Variants in NEDD4L observed in about 807,000 individuals in gnomAD.
NEDD4L encodes NEDD4 like E3 ubiquitin protein ligase.
A neutral mutation model predicts 148.9 loss-of-function variants in NEDD4L; 54 were observed. That is an observed-to-expected ratio of 0.36 (90% CI 0.29 to 0.45). The LOEUF (loss-of-function observed/expected upper bound fraction) is 0.45, where lower values mean the gene tolerates loss of function less well. Among genes scored for constraint, NEDD4L ranks in the 20% least tolerant of loss-of-function variants. The probability of loss-of-function intolerance (pLI) is 1.00; values close to 1 mark genes in which losing one functional copy is unlikely to be tolerated. For missense variants in NEDD4L, 856 were observed against 1,233.8 expected (o/e 0.69, Z 4.59); for synonymous variants, 433 against 440.7 (o/e 0.98, Z 0.22).
chr18:58,143,226 G>A (rs1451345578), intron 1 of NEDD4L, among the ~76,000 whole-genome samples: 2 of 152,206 alleles, frequency 1.3e-5, no homozygotes, highest in South Asian at 2.1e-4. Flanking sequence ...GGCGTTCACT[G>A]GTAGGGAAAC....
chr18:58,087,814 C>T (rs369806961), intron 1 of NEDD4L, among the ~76,000 whole-genome samples: 3 of 152,202 alleles, frequency 2.0e-5, no homozygotes, highest in African/African-American at 7.2e-5. Flanking sequence ...GCGGAGGTTA[C>T]GGTGAGCTGA....
At chr18:58,357,127 C>T in intron 18 of NEDD4L, 67 bp from the exon 19 acceptor site, 2 of 1,421,388 alleles carry the variant, frequency 1.4e-6, no homozygotes, top group South Asian at 1.3e-5. Context: ...CCTTCCAAAA[C>T]TTTCTTTACA....
chr18:58,392,005 G>A (rs1056207383), intron 30 of NEDD4L, among the ~76,000 whole-genome samples: 14 of 152,338 alleles, frequency 9.2e-5, no homozygotes, highest in African/African-American at 3.4e-4. Context: ...CCCTGGAATT[G>A]AGCAGTAACA....
chr18:58,084,290 A>AT (rs1465204001), intron 1 of NEDD4L, among the ~76,000 whole-genome samples: 2 of 152,082 alleles, frequency 1.3e-5, no homozygotes, highest in African/African-American at 4.8e-5. Flanking sequence ...TGGGTACAGG[A>AT]TTTTTTTTCC....
chr18:58,230,967 TCTGGACGTGGTGACTCATAC>T (rs1329375404), intron 2 of NEDD4L, among the ~76,000 whole-genome samples: 1 of 151,640 alleles, frequency 6.6e-6, no homozygotes, highest in Non-Finnish European at 1.5e-5. Context: ...GACAAACAAG[TCTGGACGTGGTGACTCATAC>T]CTGTAATTCC....
intron 13 of NEDD4L, 136 bp from the exon 14 acceptor site, chr18:58,340,902 T>G (rs1555824993): frequency 1.2e-6 from 1 of 855,098 alleles, no homozygotes; most frequent in Non-Finnish European, 1.8e-6. Context: ...TCCAGACACT[T>G]GTAAGTGTTT....
chr18:58,070,503 T>C (rs1031325429), intron 1 of NEDD4L, among the ~76,000 whole-genome samples: 2 of 152,020 alleles, frequency 1.3e-5, no homozygotes, highest in Non-Finnish European at 2.9e-5. Flanking sequence ...TTTTTTAAAA[T>C]GGAGAAGTAA....
At chr18:58,343,980 G>A (rs2042749242) in intron 16 of NEDD4L, among the ~76,000 whole-genome samples, 1 of 152,122 alleles carries the variant, frequency 6.6e-6, no homozygotes, top group African/African-American at 2.4e-5. Context: ...TGTCCCCATC[G>A]AATTGTCTAG....
rs1313793057 is a variant in NEDD4L at position 58,234,089 on chromosome 18, C to CT, written c.123-11335dup. ...TCTTTCTTTCTTTCTTTCTTTCTTT[C>CT]TTTCTTTCTTTCTTTTCTTTTCTTT... On this transcript the variant is annotated intron_variant, in intron 2 of 30. Transcript: ENST00000400345. Among the ~76,000 whole-genome samples, 276 of 97,272 alleles carry CT rather than the reference C, an allele frequency of 2.8e-3. 2 individuals are homozygous for CT. Among genetic ancestry groups the CT allele is most frequent in the African/African-American group, 0.012 (263 of 21,738 alleles). 63.8% of individuals were successfully genotyped at this position (97,272 alleles called of 152,430 possible). A position where few individuals can be genotyped will look rare whatever the true frequency, so the allele number is the denominator to read the frequency against.
chr18:58,242,076 C>T (rs1227368453), intron 2 of NEDD4L, among the ~76,000 whole-genome samples: 1 of 150,178 alleles, frequency 6.7e-6, no homozygotes, highest in Non-Finnish European at 1.5e-5. Flanking sequence ...ACCCAGATCC[C>T]GTGGGACCTC....
chr18:58,115,579 A>T (rs1212532141), intron 1 of NEDD4L, among the ~76,000 whole-genome samples: 1 of 152,106 alleles, frequency 6.6e-6, no homozygotes, highest in East Asian at 1.9e-4. Flanking sequence ...GGGGAAGGAG[A>T]CTGTGAACCT....
chr18:58,112,135 A>G (rs181642808), intron 1 of NEDD4L, among the ~76,000 whole-genome samples: 1 of 152,356 alleles, frequency 6.6e-6, no homozygotes, highest in African/African-American at 2.4e-5. Flanking sequence ...TGTCCGTGTC[A>G]ACATGTATGT....
At chr18:58,342,327 C>A (rs1450200335) in intron 15 of NEDD4L, among the ~76,000 whole-genome samples, 2 of 152,102 alleles carry the variant, frequency 1.3e-5, no homozygotes, top group African/African-American at 2.4e-5. Flanking sequence ...CCTTTAACAT[C>A]ACAAATGTCA....
At chr18:58,382,776 C>G (rs1437863899) in intron 24 of NEDD4L, among the ~76,000 whole-genome samples, 1 of 152,176 alleles carries the variant, frequency 6.6e-6, no homozygotes, top group Non-Finnish European at 1.5e-5. Context: ...AGCCTGGATC[C>G]TTAAGCTTCT....
chr18:58,271,107 T>C (rs1437127972), intron 5 of NEDD4L, among the ~76,000 whole-genome samples: 3 of 150,402 alleles, frequency 2.0e-5, no homozygotes, highest in Non-Finnish European at 3.0e-5. Context: ...ATTGTTTTTT[T>C]CCCTGAAAGA....
intron 2 of NEDD4L, chr18:58,195,479 C>A: frequency 7.4e-7 from 1 of 1,342,874 alleles, no homozygotes; most frequent in Non-Finnish European, 9.8e-7. Flanking sequence ...AGGCTTAAGC[C>A]GCGCGAGGGT....
chr18:58,320,839 A>G (rs2058709149), intron 6 of NEDD4L, among the ~76,000 whole-genome samples: 1 of 152,230 alleles, frequency 6.6e-6, no homozygotes, highest in African/African-American at 2.4e-5. Context: ...TGTTGGTTTA[A>G]TAAATGAAAA....
intron 1 of NEDD4L, among the ~76,000 whole-genome samples, chr18:58,139,879 G>A (rs1299895103): frequency 6.6e-6 from 1 of 152,206 alleles, no homozygotes; most frequent in East Asian, 1.9e-4. Flanking sequence ...AGGATGATGA[G>A]TCAGGCAGGT....
At chr18:58,098,792 TCA>T (rs1225424340) in intron 1 of NEDD4L, among the ~76,000 whole-genome samples, 1 of 152,202 alleles carries the variant, frequency 6.6e-6, no homozygotes, top group Non-Finnish European at 1.5e-5. Context: ...TAGTGGTGGC[TCA>T]CAGTCATCAC....
Sources: allele counts gnomAD v4.1 joint callset (sites outside exome capture counted in the v4.1 genomes callset), GRCh38; gene constraint gnomAD v4.1.1; transcripts MANE v1.5; gene names NCBI Gene and HGNC (gene_info 2026-07-23, HGNC 2026-07-21).